The following AGPAT4 variants were observed in gnomAD, a reference collection of about 807,000 sequenced individuals.
AGPAT4 encodes 1-acyl-sn-glycerol-3-phosphate acyltransferase delta.
Under a neutral mutation model 48.0 loss-of-function variants are expected in AGPAT4, and 15 were observed. The ratio of observed to expected loss-of-function variants is 0.31; its 90% CI spans 0.21 to 0.48. The LOEUF is 0.48. Ranked by LOEUF, AGPAT4 falls within the 20% of genes least tolerant of loss-of-function variation. The pLI, the probability that AGPAT4 is intolerant of heterozygous loss-of-function variation, is 0.99. For missense variants in AGPAT4, 314 were observed against 482.5 expected, an observed-to-expected ratio of 0.65 and a Z score of 3.27; for synonymous variants, 178 against 198.7, an observed-to-expected ratio of 0.90 and a Z score of 0.88.
In AGPAT4 at chr6:161,155,821, T is replaced by C. The variant is rs1344947050; in HGVS notation, c.349-1511A>G. On this transcript the variant is annotated intron_variant, in intron 3 of 8. Transcript: ENST00000320285. This position sits in a 1 kb window ranked among gnomAD's most constrained non-coding sequence, Gnocchi z 5.8. ...GGTATTTTTTAAAATTATATTTACCTGAACTCATTCCAAACATGCAGTCAT... is the reference window on the plus strand; with the variant it reads ...GGTATTTTTTAAAATTATATTTACCCGAACTCATTCCAAACATGCAGTCAT... Among the ~76,000 whole-genome samples, 1 of 152,242 alleles carries C rather than the reference T, an allele frequency of 6.6e-6. No individual in the cohort carries two copies. Among genetic ancestry groups the C allele is most frequent in the African/African-American group, 2.4e-5 (1 of 41,468 alleles).
At chr6:161,199,657 G>T (rs1781168884) in intron 2 of AGPAT4, among the ~76,000 whole-genome samples, 1 of 152,126 alleles carries the variant, frequency 6.6e-6, no homozygotes, top group South Asian at 2.1e-4. Context: ...CCATGGGGTG[G>T]ATTTCCCCCT....
Position 161,149,243 on chromosome 6 carries a change from A to G in AGPAT4, c.711T>C (p.Asn237=), listed in dbSNP as rs779546597. ...DCTLNFRNNE[N]PTLLGVLNGK... ...CGTTTAGGACTCCCAGCAGTGTTGG[A>G]TTTTCATTATTTCTGAAATTGAGTG... is the stretch of plus-strand genomic sequence containing the variant. Residue 237 remains asparagine, a synonymous_variant, in exon 6 of 9, where the codon AAT becomes AAC. Coordinates refer to ENST00000320285, the MANE Select transcript of AGPAT4 (RefSeq NM_020133.3). This position sits in a 1 kb window ranked among gnomAD's most constrained non-coding sequence, Gnocchi z 6.5. 1 of 1,613,456 alleles carries G rather than the reference A, an allele frequency of 6.2e-7. No individual in the cohort carries two copies. Among genetic ancestry groups the G allele is most frequent in the East Asian group, 2.2e-5 (1 of 44,876 alleles).
In AGPAT4 at chr6:161,146,551, G is replaced by T. The variant is rs774591636; in HGVS notation, c.816C>A (p.Ala272=). 1 of 1,614,060 alleles carries T rather than the reference G, an allele frequency of 6.2e-7. No individual in the cohort carries two copies. The highest frequency in any genetic ancestry group is 1.3e-5 in the African/African-American group (1 of 75,014). The change falls in exon 7 of 9, where the codon GCC becomes GCA. Residue 272 remains alanine (A), a synonymous_variant. Transcript: ENST00000320285. The surrounding 1 kb of genome is among the most constrained non-coding windows in gnomAD (Gnocchi z 7.1). ...DIPEDDDECS[A]WLHKLYQEKD... is the part of the protein sequence containing the mutation. ...TCTCCTGGTAGAGCTTGTGCAGCCAGGCCGAGCACTCGTCATCGTCTTCAG... is the reference window on the plus strand; with the variant it reads ...TCTCCTGGTAGAGCTTGTGCAGCCATGCCGAGCACTCGTCATCGTCTTCAG...
rs375899488 is a variant in AGPAT4, at chr6:161,267,977, A to G, written c.-90+5961T>C. Among the ~76,000 whole-genome samples, 20 of 152,342 alleles carry G rather than the reference A, an allele frequency of 1.3e-4. No homozygotes were observed. The highest frequency in any genetic ancestry group is 4.8e-4 in the African/African-American group (20 of 41,582). On this transcript the variant is annotated intron_variant, in intron 1 of 8. Coordinates refer to ENST00000320285, the MANE Select transcript of AGPAT4 (RefSeq NM_020133.3). This position sits in a 1 kb window ranked among gnomAD's most constrained non-coding sequence, Gnocchi z 5.2. ...CTGGGCATGGGAGACAGACTGTGGA[A>G]TATGCCATGGCAAGGTGTGAAGGTA... is the stretch of plus-strand genomic sequence containing the variant.
chr6:161,239,359 C>G (rs143094808), intron 1 of AGPAT4, among the ~76,000 whole-genome samples: 17 of 152,314 alleles, frequency 1.1e-4, no homozygotes, highest in South Asian at 2.1e-4. Context: ...TTAGTTAAGA[C>G]TTCATATTCT....
intron 2 of AGPAT4, among the ~76,000 whole-genome samples, chr6:161,172,230 G>T (rs959467562): frequency 2.0e-5 from 3 of 152,230 alleles, no homozygotes; most frequent in African/African-American, 7.2e-5. Context: ...AACCCTCAGT[G>T]CGAGAAGTGC....
rs1205815991 is a variant in AGPAT4 at position 161,206,183 on chromosome 6, T to C, written c.178+25853A>G. Among the ~76,000 whole-genome samples, 4 of 152,132 alleles carry C rather than the reference T, an allele frequency of 2.6e-5. No individual in the cohort carries two copies. The East Asian group carries it at 7.7e-4, about 29-fold the overall frequency. On this transcript the variant is annotated intron_variant, in intron 2 of 8. Coordinates refer to ENST00000320285, the MANE Select transcript of AGPAT4 (RefSeq NM_020133.3). This position sits in a 1 kb window ranked among gnomAD's most constrained non-coding sequence, Gnocchi z 4.8. ...AGTAACTGCCCTACACCAACCGAAC[T>C]CATGGAAAAACTGTGGCCCTACCCC...
In AGPAT4 at chr6:161,212,914, A is replaced by C. The variant is rs1781555673; in HGVS notation, c.178+19122T>G. On this transcript the variant is annotated intron_variant, in intron 2 of 8. Transcript: ENST00000320285. This position sits in a 1 kb window ranked among gnomAD's most constrained non-coding sequence, Gnocchi z 6.1. Reference sequence around the variant, plus strand: ...TTTCACTGTAACAGGCCACAATCAGAGAAACTGTTTATTTTACCAAGACTT... The same window carrying C: ...TTTCACTGTAACAGGCCACAATCAGCGAAACTGTTTATTTTACCAAGACTT... 6.6e-6 allele frequency among the ~76,000 whole-genome samples: 1 copy of C among 152,248 alleles called. No individual in the cohort carries two copies. Among genetic ancestry groups the C allele is most frequent in the African/African-American group, 2.4e-5 (1 of 41,470 alleles).
intron 3 of AGPAT4, chr6:161,160,300 TC>T (rs1268877602): frequency 6.6e-6 from 1 of 152,438 alleles, no homozygotes; most frequent in African/African-American, 2.4e-5. Context: ...TGCATTCCTT[TC>T]TCTTGCTTTC....
rs1010559407 is a variant in AGPAT4 at position 161,159,527 on chromosome 6, A to G, written c.349-5217T>C. On this transcript the variant is annotated intron_variant, in intron 3 of 8. Coordinates refer to ENST00000320285, the MANE Select transcript of AGPAT4 (RefSeq NM_020133.3). This position sits in a 1 kb window ranked among gnomAD's most constrained non-coding sequence, Gnocchi z 4.1. Reference sequence around the variant, plus strand: ...CAAGAGAGGATGGTATGGGCCTGGAATCTCTGAAATCTGTCCCTAGTTATA... The same window carrying G: ...CAAGAGAGGATGGTATGGGCCTGGAGTCTCTGAAATCTGTCCCTAGTTATA... Among the ~76,000 whole-genome samples, 1 of 152,208 alleles carries G rather than the reference A, an allele frequency of 6.6e-6. No homozygotes were observed. The highest frequency in any genetic ancestry group is 2.4e-5 in the African/African-American group (1 of 41,462).
At position 161,214,210 on chromosome 6, in the gene AGPAT4, T is replaced by C. The variant is rs185855765; in HGVS notation, c.178+17826A>G. Among the ~76,000 whole-genome samples the C allele has an allele frequency of 1.4e-4, 22 of 152,350 alleles. No homozygotes were observed. Among genetic ancestry groups the C allele is most frequent in the Admixed American group, 4.6e-4 (7 of 15,310 alleles). On this transcript the variant is annotated intron_variant, in intron 2 of 8. Coordinates refer to ENST00000320285, the MANE Select transcript of AGPAT4 (RefSeq NM_020133.3). This position sits in a 1 kb window ranked among gnomAD's most constrained non-coding sequence, Gnocchi z 5.4. Reference sequence around the variant, plus strand: ...CAAACCAATGTTCATGTTACATCTGTTGATTGATGTCTCGTGTCTCTCTAA... The same window carrying C: ...CAAACCAATGTTCATGTTACATCTGCTGATTGATGTCTCGTGTCTCTCTAA...
At chr6:161,170,788 T>C (rs1418695875) in intron 2 of AGPAT4, among the ~76,000 whole-genome samples, 1 of 152,188 alleles carries the variant, frequency 6.6e-6, no homozygotes, top group African/African-American at 2.4e-5. Context: ...ATTAGATGCC[T>C]CTTTTTACCA....
At chr6:161,205,737 C>CAAT (rs761976412) in intron 2 of AGPAT4, among the ~76,000 whole-genome samples, 295 of 145,708 alleles carry the variant, frequency 2.0e-3, no homozygotes, top group South Asian at 6.9e-3. Flanking sequence ...GTTGAAATTA[C>CAAT]AATAATAATA....
At chr6:161,247,079 C>A (rs1376808785) in intron 1 of AGPAT4, among the ~76,000 whole-genome samples, 1 of 152,218 alleles carries the variant, frequency 6.6e-6, no homozygotes, top group African/African-American at 2.4e-5. Flanking sequence ...ACTGAAACTG[C>A]ATGAGGCTAT....
chr6:161,257,785 C>T (rs1782985020), intron 1 of AGPAT4, among the ~76,000 whole-genome samples: 1 of 152,192 alleles, frequency 6.6e-6, no homozygotes, highest in South Asian at 2.1e-4. Flanking sequence ...CCTTCTATTT[C>T]ATATGGAAGT....
intron 2 of AGPAT4, among the ~76,000 whole-genome samples, chr6:161,227,530 GC>G (rs1383036362): frequency 2.0e-5 from 3 of 152,194 alleles, no homozygotes; most frequent in Non-Finnish European, 1.5e-5. Flanking sequence ...GACTTGCTCT[GC>G]AGTTTCTCCA....
Position 161,210,582 on chromosome 6 carries a change from G to T in AGPAT4, c.178+21454C>A, listed in dbSNP as rs1251825590. ...GAATCAAATACTTTATCAGGAAAAA[G>T]GAAGAGACTAGTCAAATGCTTTTTC... On this transcript the variant is annotated intron_variant, in intron 2 of 8. Transcript: ENST00000320285. Among the ~76,000 whole-genome samples, 3 of 152,026 alleles carry T rather than the reference G, an allele frequency of 2.0e-5. 1 individual carries two copies. In the South Asian group the frequency reaches 6.2e-4, roughly 31 times the overall value.
At chr6:161,248,450 T>G (rs550111182) in intron 1 of AGPAT4, among the ~76,000 whole-genome samples, 15 of 151,842 alleles carry the variant, frequency 9.9e-5, no homozygotes, top group Middle Eastern at 3.4e-3. Context: ...GGTGGGCCCC[T>G]GTAGTCCCAG....
rs1780857666 is a variant in AGPAT4, at chr6:161,189,323, G to A, written c.179-22906C>T. Among the ~76,000 whole-genome samples, 1 of 152,054 alleles carries A rather than the reference G, an allele frequency of 6.6e-6. No individual in the cohort carries two copies. Among genetic ancestry groups the A allele is most frequent in the Admixed American group, 6.5e-5 (1 of 15,268 alleles). On this transcript the variant is annotated intron_variant, in intron 2 of 8. Transcript: ENST00000320285. This position sits in a 1 kb window ranked among gnomAD's most constrained non-coding sequence, Gnocchi z 5.3. ...ATGAGTGTGCCAAGACCAGCAGGGT[G>A]CCCTGAGGTCACAGCTCAGGTGATG...
Sources: gnomAD v4.1 joint callset for allele counts (sites outside exome capture counted in the v4.1 genomes callset) on GRCh38, gnomAD v4.1.1 for gene constraint, Gnocchi (gnomAD v3.1) non-coding constraint, MANE v1.5 for transcripts, NCBI Gene and HGNC (gene_info 2026-07-23, HGNC 2026-07-21) for gene names.